Variants in ALCAM observed in about 807,000 individuals in gnomAD.
ALCAM encodes activated leukocyte cell adhesion molecule.
Under a neutral mutation model 70.9 loss-of-function variants are expected in ALCAM, and 30 were observed. That is an observed-to-expected ratio of 0.42 (90% CI 0.32 to 0.57). ALCAM has a LOEUF of 0.57. Ranked by LOEUF, ALCAM falls within the 20% of genes least tolerant of loss-of-function variation. ALCAM has a pLI of 0.11. For synonymous variants in ALCAM, 249 were observed against 242.5 expected (o/e 1.03, Z -0.25); for missense variants, 591 against 695.1 (o/e 0.85, Z 1.68).
At position 105,575,472 on chromosome 3, in the gene ALCAM, T is replaced by C. The variant is rs1013141420; in HGVS notation, c.*1021T>C. On this transcript the variant is annotated 3_prime_UTR_variant, in exon 16 of 16. Transcript: ENST00000306107. ...GAATATAGAATATATATTTTTTTCGTGTGTGTTTTTGTTAACTACCCTACA... is the reference window on the plus strand; with the variant it reads ...GAATATAGAATATATATTTTTTTCGCGTGTGTTTTTGTTAACTACCCTACA... 1 of 152,600 alleles carries C rather than the reference T, an allele frequency of 6.6e-6. No individual in the cohort carries two copies. The highest frequency in any genetic ancestry group is 2.4e-5 in the African/African-American group (1 of 41,446). The allele number at this position is 152,600 out of a possible 1,614,324, so 9.5% of individuals were successfully genotyped here. A position where few individuals can be genotyped will look rare whatever the true frequency, so the allele number is the denominator to read the frequency against.
chr3:105,417,170 T>A (rs545965162), intron 1 of ALCAM, among the ~76,000 whole-genome samples: 1 of 152,010 alleles, frequency 6.6e-6, no homozygotes, highest in Non-Finnish European at 1.5e-5. Context: ...CCATTTCCTC[T>A]TCCAGGAAGG....
At chr3:105,477,933 AGTAATATATCTTCT>A (rs373660639) in intron 1 of ALCAM, among the ~76,000 whole-genome samples, 1,785 of 152,148 alleles carry the variant, frequency 0.012, 27 homozygotes, top group African/African-American at 0.039. Context: ...TCCATTTCTC[AGTAATATATCTTCT>A]GTATTAATTC....
At chr3:105,412,853 G>A (rs1936422978) in intron 1 of ALCAM, among the ~76,000 whole-genome samples, 1 of 152,006 alleles carries the variant, frequency 6.6e-6, no homozygotes, top group Non-Finnish European at 1.5e-5. Context: ...AAGAACTGAT[G>A]GGTGTGTTAA....
chr3:105,526,367 G>T (rs904402835), intron 3 of ALCAM, among the ~76,000 whole-genome samples: 3 of 150,426 alleles, frequency 2.0e-5, no homozygotes, highest in African/African-American at 7.3e-5. Flanking sequence ...GATTTTTTCA[G>T]AAATCTGAAA....
At chr3:105,450,078 C>A (rs943401574) in intron 1 of ALCAM, among the ~76,000 whole-genome samples, 2 of 152,098 alleles carry the variant, frequency 1.3e-5, no homozygotes, top group African/African-American at 4.8e-5. Context: ...GGCACTGTTT[C>A]TTCCATAATG....
At chr3:105,494,100 T>G (rs1441811506) in intron 1 of ALCAM, among the ~76,000 whole-genome samples, 1 of 152,248 alleles carries the variant, frequency 6.6e-6, no homozygotes, top group African/African-American at 2.4e-5. Context: ...TACCGTAGAA[T>G]GAAACTAATT....
intron 1 of ALCAM, among the ~76,000 whole-genome samples, chr3:105,435,639 T>G (rs1937032497): frequency 6.6e-6 from 1 of 152,168 alleles, no homozygotes; most frequent in Admixed American, 6.5e-5. Flanking sequence ...TTAGAAATAA[T>G]GGGGTAGGAC....
intron 1 of ALCAM, among the ~76,000 whole-genome samples, chr3:105,392,571 A>G (rs1935851748): frequency 6.6e-6 from 1 of 151,372 alleles, no homozygotes; most frequent in Non-Finnish European, 1.5e-5. Flanking sequence ...TTATGCCTCT[A>G]TCTCCTTTAA....
chr3:105,395,064 A>G (rs1232992664), intron 1 of ALCAM, among the ~76,000 whole-genome samples: 1 of 152,004 alleles, frequency 6.6e-6, no homozygotes, highest in Non-Finnish European at 1.5e-5. Context: ...CATGTACCTC[A>G]TGCCATAAAC....
intron 1 of ALCAM, among the ~76,000 whole-genome samples, chr3:105,425,522 TTAAA>T (rs1384668274): frequency 6.6e-6 from 1 of 151,796 alleles, no homozygotes. Flanking sequence ...ATCACAAAAA[TTAAA>T]TAGATTGCAC....
At chr3:105,508,851 T>C (rs1333970612) in intron 1 of ALCAM, among the ~76,000 whole-genome samples, 1 of 152,100 alleles carries the variant, frequency 6.6e-6, no homozygotes, top group Non-Finnish European at 1.5e-5. Context: ...TGTAACTTTG[T>C]AGCCTTTGAC....
chr3:105,517,015 A>G (rs9288810), intron 1 of ALCAM, among the ~76,000 whole-genome samples: 92,788 of 152,014 alleles, frequency 0.61, 28,866 homozygotes, highest in East Asian at 0.84. Context: ...TCTATGAAAA[A>G]TGTAAACAGA....
intron 1 of ALCAM, among the ~76,000 whole-genome samples, chr3:105,444,765 T>G (rs944392742): frequency 6.6e-6 from 1 of 152,190 alleles, no homozygotes. Flanking sequence ...CATCTCCCTA[T>G]TTCTATCTTT....
intron 1 of ALCAM, among the ~76,000 whole-genome samples, chr3:105,437,221 T>C (rs1396782668): frequency 1.3e-5 from 2 of 152,234 alleles, no homozygotes; most frequent in Non-Finnish European, 2.9e-5. Context: ...CTCTGTAATT[T>C]TGAGGAGCTC....
intron 12 of ALCAM, among the ~76,000 whole-genome samples, chr3:105,551,238 G>A (rs947032772): frequency 2.6e-5 from 4 of 151,646 alleles, no homozygotes; most frequent in Admixed American, 1.3e-4. Flanking sequence ...TAAGATAGAA[G>A]CATTGACTTC....
At chr3:105,466,685 G>A (rs1011360734) in intron 1 of ALCAM, among the ~76,000 whole-genome samples, 2 of 151,344 alleles carry the variant, frequency 1.3e-5, no homozygotes, top group South Asian at 2.1e-4. Flanking sequence ...TGAATGTTTA[G>A]AACATTGTTT....
At chr3:105,437,791 G>A (rs1310533802) in intron 1 of ALCAM, among the ~76,000 whole-genome samples, 1 of 151,852 alleles carries the variant, frequency 6.6e-6, no homozygotes, top group African/African-American at 2.4e-5. Flanking sequence ...AATTTTAAAT[G>A]TATTCAAAAT....
chr3:105,422,902 T>C (rs1354454525), intron 1 of ALCAM, among the ~76,000 whole-genome samples: 2 of 151,440 alleles, frequency 1.3e-5, no homozygotes, highest in Non-Finnish European at 3.0e-5. Flanking sequence ...CAGAAATGAT[T>C]ACACTCATAA....
At chr3:105,419,087 T>C (rs1323956080) in intron 1 of ALCAM, among the ~76,000 whole-genome samples, 1 of 151,730 alleles carries the variant, frequency 6.6e-6, no homozygotes, top group Admixed American at 6.6e-5. Context: ...TAGAAGAAGA[T>C]GCTGTATTAT....
Sources: allele counts gnomAD v4.1 joint callset (sites outside exome capture counted in the v4.1 genomes callset), GRCh38; gene constraint gnomAD v4.1.1; transcripts MANE v1.5; gene names NCBI Gene and HGNC (gene_info 2026-07-23, HGNC 2026-07-21).